Variants in LEPR observed in about 807,000 individuals in gnomAD.
The protein encoded by LEPR is leptin receptor.
In LEPR, 56 loss-of-function variants were observed where a neutral mutation model predicts 114.7. The observed-to-expected ratio is 0.49, with a 90% CI of 0.39 to 0.61. The LOEUF (loss-of-function observed/expected upper bound fraction) is 0.61, where lower values mean the gene tolerates loss of function less well. Among genes scored for constraint, LEPR ranks in the 20% least tolerant of loss-of-function variants. LEPR has a pLI of 0.00. For missense variants in LEPR, 1,202 were observed against 1,352.9 expected (o/e 0.89, Z 1.75); for synonymous variants, 443 against 461.4 (o/e 0.96, Z 0.51).
At chr1:65,531,477 G>A (rs932773512) in intron 2 of LEPR, among the ~76,000 whole-genome samples, 2 of 146,114 alleles carry the variant, frequency 1.4e-5, no homozygotes, top group African/African-American at 2.5e-5. Flanking sequence ...TCTCCCTATA[G>A]CATTATTTTA....
intron 1 of LEPR, among the ~76,000 whole-genome samples, chr1:65,423,706 C>G (rs1378874207): frequency 6.6e-6 from 1 of 152,124 alleles, no homozygotes; most frequent in Non-Finnish European, 1.5e-5. Context: ...ACTTTGGCAC[C>G]TTCCTATTAA....
chr1:65,612,349 A>T lies in LEPR; in HGVS notation c.1995+2053A>T, dbSNP rs531127865. Reference sequence around the variant, plus strand: ...TATGATACATTTGTTACAATGAATTAAACAATATTGATATGTCATCATTAA... The same window carrying T: ...TATGATACATTTGTTACAATGAATTTAACAATATTGATATGTCATCATTAA... On this transcript the variant is annotated intron_variant, in intron 14 of 19. Transcript: ENST00000349533. 4.6e-5 allele frequency among the ~76,000 whole-genome samples: 7 copies of T among 152,366 alleles called. No homozygotes were observed. The South Asian group carries it at 1.4e-3, about 32-fold the overall frequency.
intron 8 of LEPR, among the ~76,000 whole-genome samples, chr1:65,600,672 A>G (rs1216601212): frequency 6.6e-6 from 1 of 152,080 alleles, no homozygotes; most frequent in African/African-American, 2.4e-5. Flanking sequence ...ATGATAGGCA[A>G]ATGAAATTTA....
At chr1:65,535,215 A>G (rs1421073824) in intron 2 of LEPR, among the ~76,000 whole-genome samples, 1 of 151,860 alleles carries the variant, frequency 6.6e-6, no homozygotes, top group East Asian at 1.9e-4. Flanking sequence ...TGTTAATTGT[A>G]GTTGCTGTTA....
intron 8 of LEPR, 99 bp from the exon 9 acceptor site, chr1:65,601,293 G>A (rs942363680): frequency 6.4e-6 from 9 of 1,408,178 alleles, no homozygotes; most frequent in Non-Finnish European, 8.9e-6. Context: ...ATTTTTGGCA[G>A]TGTAACTCTG....
chr1:65,518,855 TTTTCTTTCTTTCTTTCTTTTTC>T lies in LEPR; in HGVS notation c.-20-46671_-20-46650del, dbSNP rs1172506597. Among the ~76,000 whole-genome samples, 214 of 144,512 alleles carry T rather than the reference TTTTCTTTCTTTCTTTCTTTTTC, an allele frequency of 1.5e-3. 2 individuals carry two copies. Among genetic ancestry groups the T allele is most frequent in the African/African-American group, 4.1e-3 (156 of 38,130 alleles). The allele number at this position is 144,512 out of a possible 152,430, so 94.8% of individuals were successfully genotyped here. ...AGCTTTTTTCTTTTTTCTTTTTCTC[TTTTCTTTCTTTCTTTCTTTTTC>T]TTTCTTTCTTTCTTTCTTTCTTTCT... On this transcript the variant is annotated intron_variant, in intron 2 of 19. Transcript: ENST00000349533.
intron 2 of LEPR, among the ~76,000 whole-genome samples, chr1:65,464,672 A>T (rs980915577): frequency 1.5e-4 from 23 of 152,050 alleles, no homozygotes; most frequent in Admixed American, 2.6e-4. Flanking sequence ...TTTTTGGTTG[A>T]TAGGCTATTA....
intron 5 of LEPR, among the ~76,000 whole-genome samples, chr1:65,586,550 G>A (rs1655330923): frequency 1.3e-5 from 2 of 151,760 alleles, no homozygotes; most frequent in Middle Eastern, 3.2e-3. Flanking sequence ...TAGTTAGTAT[G>A]TAAATTGAAT....
chr1:65,528,829 G>T (rs1304809968), intron 2 of LEPR, among the ~76,000 whole-genome samples: 3 of 152,012 alleles, frequency 2.0e-5, no homozygotes, highest in South Asian at 2.1e-4. Context: ...TTTTGAGACG[G>T]TGTCTTGCTC....
Position 65,513,784 on chromosome 1 carries a change from G to A in LEPR, c.-20-51762G>A, listed in dbSNP as rs1232720159. Among the ~76,000 whole-genome samples, 6 of 152,132 alleles carry A rather than the reference G, an allele frequency of 3.9e-5. No homozygotes were observed. The South Asian group carries it at 8.3e-4, about 21-fold the overall frequency. ...ATAATTCTGAAATAGCTTTATTCTGGCCAACTGCTTATTTATAACAGCCTT... is the reference window on the plus strand; with the variant it reads ...ATAATTCTGAAATAGCTTTATTCTGACCAACTGCTTATTTATAACAGCCTT... On this transcript the variant is annotated intron_variant, in intron 2 of 19. Transcript: ENST00000349533.
rs892859553 is a variant in LEPR at position 65,433,095 on chromosome 1, G to C, written c.-21+7717G>C. ...GAGCCAGCCCCTGCGTTAGCAGGAG[G>C]GGGAGAACAGATAGGTAACTCTTTT... On this transcript the variant is annotated intron_variant, in intron 2 of 19. Coordinates refer to ENST00000349533, the MANE Select transcript of LEPR (RefSeq NM_002303.6). 9.1e-6 allele frequency: 9 copies of C among 985,418 alleles called. No homozygotes were observed. In the South Asian group the frequency reaches 2.3e-4, roughly 26 times the overall value. The allele number at this position is 985,418 out of a possible 1,614,324, so 61.0% of individuals were successfully genotyped here.
At chr1:65,586,122 C>G (rs1655298229) in intron 5 of LEPR, among the ~76,000 whole-genome samples, 1 of 151,912 alleles carries the variant, frequency 6.6e-6, no homozygotes, top group Non-Finnish European at 1.5e-5. Context: ...TGAAATTTAT[C>G]TTGTGACAAT....
At chr1:65,458,791 T>C (rs572952805) in intron 2 of LEPR, among the ~76,000 whole-genome samples, 1 of 152,364 alleles carries the variant, frequency 6.6e-6, no homozygotes, top group South Asian at 2.1e-4. Context: ...GTTCCTTTTT[T>C]TCTCCTCCTT....
rs1437675366 is a variant in LEPR, at chr1:65,474,898, T to A, written c.-21+49520T>A. Among the ~76,000 whole-genome samples, 3 of 149,882 alleles carry A rather than the reference T, an allele frequency of 2.0e-5. 1 individual carries two copies. The Admixed American group carries it at 2.0e-4, about 10-fold the overall frequency. On this transcript the variant is annotated intron_variant, in intron 2 of 19. Coordinates refer to ENST00000349533, the MANE Select transcript of LEPR (RefSeq NM_002303.6). ...GGCGTGCACCTGTAATCCCAGCTAC[T>A]TGGGAGGCTGAGGCAGGAGAATTGC...
At chr1:65,532,791 G>GA (rs1183641463) in intron 2 of LEPR, among the ~76,000 whole-genome samples, 1 of 152,158 alleles carries the variant, frequency 6.6e-6, no homozygotes, top group Non-Finnish European at 1.5e-5. Context: ...CATAAACACA[G>GA]AAAGCAGATC....
At chr1:65,534,015 T>A (rs569937189) in intron 2 of LEPR, among the ~76,000 whole-genome samples, 1 of 152,288 alleles carries the variant, frequency 6.6e-6, no homozygotes, top group South Asian at 2.1e-4. Context: ...TATATTCTTA[T>A]GTTTTAGATG....
At chr1:65,514,517 G>A (rs770856249) in intron 2 of LEPR, among the ~76,000 whole-genome samples, 1 of 152,090 alleles carries the variant, frequency 6.6e-6, no homozygotes, top group Non-Finnish European at 1.5e-5. Flanking sequence ...AATATAAACA[G>A]GAAAATAAAC....
chr1:65,554,930 G>T (rs1277603005), intron 2 of LEPR, among the ~76,000 whole-genome samples: 4 of 152,122 alleles, frequency 2.6e-5, no homozygotes, highest in Non-Finnish European at 5.9e-5. Flanking sequence ...GTCCCTCACG[G>T]CACAGTCCTT....
intron 2 of LEPR, among the ~76,000 whole-genome samples, chr1:65,537,649 C>T (rs904514128): frequency 3.9e-5 from 6 of 152,114 alleles, no homozygotes; most frequent in Admixed American, 2.0e-4. Flanking sequence ...TGAACCCCTG[C>T]TTCATGAGTT....
Sources: allele counts gnomAD v4.1 joint callset (sites outside exome capture counted in the v4.1 genomes callset), GRCh38; gene constraint gnomAD v4.1.1; transcripts MANE v1.5; gene names NCBI Gene and HGNC (gene_info 2026-07-23, HGNC 2026-07-21).